Variants in PIK3C3 observed in about 807,000 individuals in gnomAD.
The protein encoded by PIK3C3 is phosphatidylinositol 3-kinase catalytic subunit type 3, also known as PI3-kinase type 3.
A neutral mutation model predicts 126.1 loss-of-function variants in PIK3C3; 95 were observed. The ratio of observed to expected loss-of-function variants is 0.75; its 90% CI spans 0.64 to 0.89. PIK3C3 has a LOEUF of 0.89. PIK3C3 is among the 40% of genes least tolerant of loss of function. The pLI is 0.00. For missense variants in PIK3C3, 829 were observed against 1,063.2 expected (o/e 0.78, Z 3.06); for synonymous variants, 374 against 360.0 (o/e 1.04, Z -0.44).
intron 18 of PIK3C3, among the ~76,000 whole-genome samples, chr18:42,039,602 C>G (rs59807585): frequency 2.6e-5 from 4 of 152,198 alleles, no homozygotes; most frequent in Non-Finnish European, 5.9e-5. Flanking sequence ...GCATTGTGCT[C>G]TAAGGCCTTC....
intron 4 of PIK3C3, among the ~76,000 whole-genome samples, chr18:41,977,370 A>G (rs1401137324): frequency 6.6e-6 from 1 of 152,244 alleles, no homozygotes; most frequent in African/African-American, 2.4e-5. Context: ...TATTAATAGG[A>G]TAGGAACCTC....
intron 4 of PIK3C3, among the ~76,000 whole-genome samples, chr18:41,973,226 G>A: frequency 6.6e-6 from 1 of 152,018 alleles, no homozygotes; most frequent in Admixed American, 6.6e-5. Flanking sequence ...TCTGCAATGT[G>A]TATGCCTAGG....
At chr18:41,999,307 G>T (rs1216077616) in intron 9 of PIK3C3, among the ~76,000 whole-genome samples, 1 of 152,104 alleles carries the variant, frequency 6.6e-6, no homozygotes, top group African/African-American at 2.4e-5. Flanking sequence ...AATTACTTTT[G>T]CACCAACCTG....
intron 12 of PIK3C3, among the ~76,000 whole-genome samples, chr18:42,018,737 A>G (rs1360616025): frequency 6.6e-6 from 1 of 152,114 alleles, no homozygotes; most frequent in Non-Finnish European, 1.5e-5. Flanking sequence ...TTCTCTGAAC[A>G]TAGCTTTTAT....
intron 10 of PIK3C3, among the ~76,000 whole-genome samples, chr18:42,008,467 C>A (rs1422317226): frequency 2.0e-5 from 3 of 152,042 alleles, no homozygotes; most frequent in African/African-American, 7.2e-5. Flanking sequence ...AAATCGGAAC[C>A]CATGTCTCTA....
At chr18:42,004,969 C>T (rs9966885) in intron 10 of PIK3C3, among the ~76,000 whole-genome samples, 1 of 152,206 alleles carries the variant, frequency 6.6e-6, no homozygotes, top group African/African-American at 2.4e-5. Flanking sequence ...CTTAGAGATG[C>T]ATGGTCATCT....
At chr18:41,986,010 A>G (rs1292930763) in intron 4 of PIK3C3, among the ~76,000 whole-genome samples, 2 of 152,160 alleles carry the variant, frequency 1.3e-5, no homozygotes, top group Non-Finnish European at 2.9e-5. Context: ...CTATTGTATC[A>G]TAAATACAAA....
intron 13 of PIK3C3, among the ~76,000 whole-genome samples, chr18:42,021,248 G>A (rs1009907144): frequency 2.0e-5 from 3 of 152,094 alleles, no homozygotes; most frequent in Admixed American, 2.0e-4. Context: ...ACGTTAAATG[G>A]GCAAGCATAA....
At chr18:42,018,250 T>C (rs1022576622) in intron 12 of PIK3C3, among the ~76,000 whole-genome samples, 5 of 152,074 alleles carry the variant, frequency 3.3e-5, no homozygotes, top group African/African-American at 9.7e-5. Context: ...AAGTATTGCT[T>C]ACACAGATTG....
chr18:42,046,476 A>G (rs1984563377), intron 20 of PIK3C3, among the ~76,000 whole-genome samples: 1 of 152,104 alleles, frequency 6.6e-6, no homozygotes, highest in African/African-American at 2.4e-5. Context: ...TCAGTGGTCT[A>G]TTTGTCTTTA....
At chr18:42,059,860 C>T (rs1985239408) in intron 22 of PIK3C3, 1 of 151,802 alleles carries the variant, frequency 6.6e-6, no homozygotes, top group Non-Finnish European at 1.5e-5. Context: ...CTTGACTTCC[C>T]AGGCTCAGAT....
chr18:42,042,597 C>G (rs558022236), intron 19 of PIK3C3, among the ~76,000 whole-genome samples: 6 of 152,264 alleles, frequency 3.9e-5, no homozygotes, highest in African/African-American at 1.2e-4. Flanking sequence ...ATCATTGTTT[C>G]ATAAAGTTTT....
At chr18:41,999,394 A>G (rs967270532) in intron 9 of PIK3C3, among the ~76,000 whole-genome samples, 6 of 152,186 alleles carry the variant, frequency 3.9e-5, no homozygotes, top group African/African-American at 1.4e-4. Flanking sequence ...CTTGGGGGAA[A>G]AAAGCAGTTG....
intron 2 of PIK3C3, among the ~76,000 whole-genome samples, chr18:41,958,633 T>G (rs1979914866): frequency 1.3e-5 from 2 of 152,164 alleles, no homozygotes; most frequent in Non-Finnish European, 2.9e-5. Context: ...CAGTAGTCTT[T>G]GTGGAGAGAT....
chr18:42,048,724 G>T (rs190820964), intron 20 of PIK3C3, among the ~76,000 whole-genome samples: 1 of 152,202 alleles, frequency 6.6e-6, no homozygotes, highest in Non-Finnish European at 1.5e-5. Flanking sequence ...TATTGAATTT[G>T]AACAGGGTTA....
At chr18:42,021,646 T>C (rs1983325928) in intron 13 of PIK3C3, among the ~76,000 whole-genome samples, 7 of 152,208 alleles carry the variant, frequency 4.6e-5, no homozygotes, top group Admixed American at 4.6e-4. Context: ...CTAATCTTAC[T>C]GCTCAATTTA....
Position 42,024,275 on chromosome 18 carries a change from C to T in PIK3C3, c.1485-3168C>T, listed in dbSNP as rs140159198. ...GCTTTCAAAGAAATACCTTAGAGTG[C>T]TTTAGAATCTAGTTTATTGATGTGA... is the stretch of plus-strand genomic sequence containing the variant. On this transcript the variant is annotated intron_variant, in intron 13 of 24. Coordinates refer to ENST00000262039, the MANE Select transcript of PIK3C3 (RefSeq NM_002647.4). 2.2e-3 allele frequency among the ~76,000 whole-genome samples: 338 copies of T among 152,244 alleles called. 1 individual carries two copies. Among genetic ancestry groups the T allele is most frequent in the African/African-American group, 7.5e-3 (312 of 41,534 alleles).
In PIK3C3 at chr18:42,061,885, C is replaced by T. The variant is rs566691086; in HGVS notation, c.2433-2855C>T. Among the ~76,000 whole-genome samples the T allele has an allele frequency of 1.4e-3, 217 of 152,064 alleles. 1 individual carries two copies. Among genetic ancestry groups the T allele is most frequent in the African/African-American group, 4.6e-3 (191 of 41,476 alleles). The stretch of plus-strand genomic sequence containing the variant: ...TATTTACTTTTGTTAAAAGGAACAT[C>T]GCATTCTACACCCGTAAAGGCAGAT... On this transcript the variant is annotated intron_variant, in intron 22 of 24. Coordinates refer to ENST00000262039, the MANE Select transcript of PIK3C3 (RefSeq NM_002647.4).
At chr18:41,978,614 C>T (rs985486928) in intron 4 of PIK3C3, among the ~76,000 whole-genome samples, 1 of 152,130 alleles carries the variant, frequency 6.6e-6, no homozygotes, top group South Asian at 2.1e-4. Flanking sequence ...CTTTTGAATG[C>T]ATTAAACGCA....
Sources: gnomAD v4.1 joint callset for allele counts (sites outside exome capture counted in the v4.1 genomes callset) on GRCh38, gnomAD v4.1.1 for gene constraint, MANE v1.5 for transcripts, NCBI Gene and HGNC (gene_info 2026-07-23, HGNC 2026-07-21) for gene names.